MCCC2: variants seen among roughly 807,000 people sequenced by gnomAD.
The protein encoded by MCCC2 is methylcrotonoyl-CoA carboxylase beta chain, mitochondrial.
A neutral mutation model predicts 77.2 loss-of-function variants in MCCC2; 52 were observed. That is an observed-to-expected ratio of 0.67 (90% CI 0.54 to 0.85). The LOEUF (loss-of-function observed/expected upper bound fraction) is 0.85. Ranked by LOEUF, MCCC2 falls within the 40% of genes least tolerant of loss-of-function variation. The probability of loss-of-function intolerance (pLI) is 0.00; values close to 1 mark genes in which losing one functional copy is unlikely to be tolerated. For synonymous variants in MCCC2, 253 were observed against 248.4 expected (o/e 1.02, Z -0.18); for missense variants, 682 against 703.2 (o/e 0.97, Z 0.34).
chr5:71,633,423 A>G (rs1191437589), intron 8 of MCCC2, among the ~76,000 whole-genome samples: 1 of 152,072 alleles, frequency 6.6e-6, no homozygotes, highest in African/African-American at 2.4e-5. Flanking sequence ...TTCCTCATAG[A>G]TAAAGTGAAA....
At chr5:71,636,119 T>C (rs1433728167) in intron 10 of MCCC2, 2 of 419,226 alleles carry the variant, frequency 4.8e-6, no homozygotes, top group Non-Finnish European at 9.5e-6. Context: ...CTTCATGAAA[T>C]ATTTTCTACG....
chr5:71,628,128 G>A (rs552512142), intron 7 of MCCC2, among the ~76,000 whole-genome samples: 1 of 152,332 alleles, frequency 6.6e-6, no homozygotes, highest in Non-Finnish European at 1.5e-5. Flanking sequence ...ACAGGCATGA[G>A]CCACTGCACC....
chr5:71,625,687 G>A (rs952944315), intron 6 of MCCC2, among the ~76,000 whole-genome samples: 33 of 152,124 alleles, frequency 2.2e-4, no homozygotes, highest in African/African-American at 8.0e-4. Flanking sequence ...AATAAATGTT[G>A]AAGCCACTTT....
chr5:71,634,420 T>G (rs1210698948), intron 8 of MCCC2, among the ~76,000 whole-genome samples: 1 of 152,240 alleles, frequency 6.6e-6, no homozygotes, highest in African/African-American at 2.4e-5. Flanking sequence ...ACTGTCAGTG[T>G]AACTTTGTAG....
chr5:71,590,721 G>T (rs1456349879), intron 1 of MCCC2, among the ~76,000 whole-genome samples: 1 of 152,044 alleles, frequency 6.6e-6, no homozygotes, highest in African/African-American at 2.4e-5. Flanking sequence ...GGAGTGTGAG[G>T]CAGGAGAGTC....
intron 1 of MCCC2, among the ~76,000 whole-genome samples, chr5:71,591,273 C>T (rs1396859041): frequency 6.6e-6 from 1 of 152,118 alleles, no homozygotes; most frequent in African/African-American, 2.4e-5. Context: ...AGATAATTAG[C>T]TAGTTAAGTA....
intron 6 of MCCC2, among the ~76,000 whole-genome samples, chr5:71,624,693 C>CTTTTT: frequency 9.8e-6 from 1 of 101,900 alleles, no homozygotes; most frequent in Non-Finnish European, 1.9e-5. Context: ...TTCTTTCTTT[C>CTTTTT]TTTTTTTTTT....
chr5:71,654,193 C>T (rs905343800), intron 16 of MCCC2, among the ~76,000 whole-genome samples: 15 of 152,262 alleles, frequency 9.9e-5, no homozygotes, highest in Admixed American at 8.5e-4. Context: ...GATGGGGTTT[C>T]ACCATGTTGG....
rs1164715767 is a variant in MCCC2 at position 71,651,611 on chromosome 5, C to T, written c.1489-1058C>T. On this transcript the variant is annotated intron_variant, in intron 15 of 16. Transcript: ENST00000340941. ...TCCACCTAGATTGTGGAGTGAGGTA[C>T]TGCCTCCCTGAATGCATCCATCCAT... 2.0e-5 allele frequency among the ~76,000 whole-genome samples: 3 copies of T among 152,206 alleles called. No individual in the cohort carries two copies. In the South Asian group the frequency reaches 6.2e-4, roughly 32 times the overall value.
chr5:71,617,298 C>T (rs1161611142), intron 6 of MCCC2, among the ~76,000 whole-genome samples: 9 of 152,180 alleles, frequency 5.9e-5, no homozygotes, highest in Admixed American at 3.3e-4. Flanking sequence ...TTAAGGAAAT[C>T]CCGGAATCCT....
At chr5:71,630,239 C>T (rs1746662740) in intron 7 of MCCC2, among the ~76,000 whole-genome samples, 1 of 152,072 alleles carries the variant, frequency 6.6e-6, no homozygotes, top group South Asian at 2.1e-4. Flanking sequence ...AGGGTTTGCA[C>T]GTAGTGTGGG....
At chr5:71,617,921 T>C (rs1297508432) in intron 6 of MCCC2, among the ~76,000 whole-genome samples, 1 of 152,218 alleles carries the variant, frequency 6.6e-6, no homozygotes, top group Non-Finnish European at 1.5e-5. Flanking sequence ...TTTCTTTTGC[T>C]CTCAAGGAGA....
chr5:71,627,428 G>T (rs746672464), intron 7 of MCCC2, among the ~76,000 whole-genome samples: 2 of 152,020 alleles, frequency 1.3e-5, no homozygotes, highest in African/African-American at 2.4e-5. Context: ...CCTTTTTATG[G>T]CTGAATAATA....
intron 13 of MCCC2, among the ~76,000 whole-genome samples, chr5:71,647,380 G>A (rs920639873): frequency 2.0e-5 from 3 of 152,174 alleles, no homozygotes; most frequent in Admixed American, 2.0e-4. Flanking sequence ...TATCCAAATG[G>A]CAGCCTAAGA....
Position 71,641,058 on chromosome 5 carries a change from G to A in MCCC2, c.1055G>A (p.Gly352Glu). 6.2e-7 allele frequency: 1 copy of A among 1,613,892 alleles called. No individual in the cohort carries two copies. Among genetic ancestry groups the A allele is most frequent in the Admixed American group, 1.7e-5 (1 of 60,016 alleles). ...TTCACTGAGTTCAAAGCCTTTTATGGAGACACATTAGTTACAGGTATAAAG... is the reference window on the plus strand; with the variant it reads ...TTCACTGAGTTCAAAGCCTTTTATGAAGACACATTAGTTACAGGTATAAAG... ...SRFTEFKAFYGDTLVTGFARI... is the reference protein window; with the variant it reads ...SRFTEFKAFYEDTLVTGFARI... The change falls in exon 11 of 17, where the codon GGA becomes GAA. Residue 352 changes from glycine (G) to glutamate (E), a missense_variant. Physicochemically the swap from Gly to Glu is moderately conservative, Grantham distance 98. Transcript: ENST00000340941.
At chr5:71,605,278 C>A (rs1745624688) in intron 6 of MCCC2, among the ~76,000 whole-genome samples, 1 of 151,578 alleles carries the variant, frequency 6.6e-6, no homozygotes, top group African/African-American at 2.4e-5. Context: ...GCCATTCTAA[C>A]TGGTGTGAGA....
chr5:71,596,403 G>T, intron 3 of MCCC2, 39 bp downstream of exon 3: 2 of 1,499,728 alleles, frequency 1.3e-6, no homozygotes, highest in African/African-American at 2.8e-5. Context: ...AGTGTTCTCT[G>T]TTCCATAGTA....
chr5:71,628,545 A>T (rs2112417390), intron 7 of MCCC2, among the ~76,000 whole-genome samples: 1 of 152,112 alleles, frequency 6.6e-6, no homozygotes, highest in South Asian at 2.1e-4. Context: ...ATCCATTTTG[A>T]GTTAGTTTTT....
At chr5:71,655,403 C>T (rs1747551322) in intron 16 of MCCC2, among the ~76,000 whole-genome samples, 1 of 152,174 alleles carries the variant, frequency 6.6e-6, no homozygotes, top group South Asian at 2.1e-4. Context: ...TGCCAATTTG[C>T]TTCTGCTCAG....
Sources: gnomAD v4.1 joint callset for allele counts (sites outside exome capture counted in the v4.1 genomes callset) on GRCh38, gnomAD v4.1.1 for gene constraint, MANE v1.5 for transcripts, NCBI Gene and HGNC (gene_info 2026-07-23, HGNC 2026-07-21) for gene names.